The following WLS variants were observed in gnomAD, a reference collection of about 807,000 sequenced individuals.
The protein encoded by WLS is protein wntless homolog.
Under a neutral mutation model 62.8 loss-of-function variants are expected in WLS, and 23 were observed. That is an observed-to-expected ratio of 0.37 (90% CI 0.26 to 0.52). WLS has a LOEUF of 0.52. Ranked by LOEUF, WLS falls within the 20% of genes least tolerant of loss-of-function variation. The pLI is 0.92. For missense variants in WLS, 615 were observed against 697.3 expected (o/e 0.88, Z 1.33); for synonymous variants, 246 against 244.1 (o/e 1.01, Z -0.07).
intron 2 of WLS, among the ~76,000 whole-genome samples, chr1:68,190,588 G>A (rs893551281): frequency 2.0e-5 from 3 of 152,218 alleles, no homozygotes; most frequent in African/African-American, 7.2e-5. Context: ...TGGGAGGGAT[G>A]GAAGCCTGCC....
chr1:68,128,938 T>C (rs1305117799), intron 11 of WLS, among the ~76,000 whole-genome samples: 1 of 150,438 alleles, frequency 6.6e-6, no homozygotes, highest in Non-Finnish European at 1.5e-5. Context: ...AACTTTTGGG[T>C]TCTGCTGCCT....
chr1:68,137,694 A>T (rs187681044), intron 11 of WLS, 86 bp downstream of exon 11: 53 of 1,444,308 alleles, frequency 3.7e-5, no homozygotes, highest in Admixed American at 1.7e-4. Context: ...TTCACTGGGC[A>T]TCTCAGAGCT....
intron 1 of WLS, among the ~76,000 whole-genome samples, chr1:68,229,125 C>T (rs547247492): frequency 6.6e-6 from 1 of 152,232 alleles, no homozygotes; most frequent in South Asian, 2.1e-4. Flanking sequence ...ACTCCTTCCT[C>T]TACCAATGAG....
Position 68,125,939 on chromosome 1 carries a change from C to G in WLS, c.*287G>C. On this transcript the variant is annotated 3_prime_UTR_variant, in exon 12 of 12. Coordinates refer to ENST00000262348, the MANE Select transcript of WLS (RefSeq NM_024911.7). ...CCCACCCCCACATGAGGTTTACTAACCAGCTGCTACAGATGTTACTATGTC... is the reference window on the plus strand; with the variant it reads ...CCCACCCCCACATGAGGTTTACTAAGCAGCTGCTACAGATGTTACTATGTC... 9.1e-7 allele frequency: 1 copy of G among 1,101,748 alleles called. No homozygotes were observed. The highest frequency in any genetic ancestry group is 5.9e-5 in the East Asian group (1 of 16,952). The allele number at this position is 1,101,748 out of a possible 1,614,324, so 68.2% of individuals were successfully genotyped here.
intron 7 of WLS, 151 bp downstream of exon 7, chr1:68,148,412 C>T (rs962474278): frequency 2.2e-6 from 2 of 913,342 alleles, no homozygotes; most frequent in East Asian, 5.3e-5. Flanking sequence ...TGATTTGATC[C>T]CAGACCTTGT....
chr1:68,203,333 G>A (rs1213000472), intron 1 of WLS, among the ~76,000 whole-genome samples: 1 of 152,138 alleles, frequency 6.6e-6, no homozygotes, highest in East Asian at 1.9e-4. Flanking sequence ...ATTTATTAAC[G>A]GTTACTATTT....
intron 1 of WLS, among the ~76,000 whole-genome samples, chr1:68,221,701 G>T (rs1195808929): frequency 6.6e-6 from 1 of 152,188 alleles, no homozygotes; most frequent in Non-Finnish European, 1.5e-5. Context: ...GTGATCACCT[G>T]AAGGCAAGCT....
At chr1:68,127,277 G>A (rs192286077) in intron 11 of WLS, 26 of 184,918 alleles carry the variant, frequency 1.4e-4, no homozygotes, top group Non-Finnish European at 2.8e-4. Context: ...ATAGATTGGG[G>A]AAGGAGCCAT....
At chr1:68,153,861 C>CT (rs1222765613) in intron 4 of WLS, among the ~76,000 whole-genome samples, 1 of 152,160 alleles carries the variant, frequency 6.6e-6, no homozygotes, top group Admixed American at 6.5e-5. Flanking sequence ...GAGCCCTGTG[C>CT]TATGGACCTG....
At chr1:68,191,772 T>C (rs960124972) in intron 2 of WLS, among the ~76,000 whole-genome samples, 10 of 152,168 alleles carry the variant, frequency 6.6e-5, no homozygotes, top group African/African-American at 2.4e-4. Flanking sequence ...TTGTGCAAAT[T>C]TGGACCTTCA....
rs1170284392 is a variant in WLS, at chr1:68,148,151, A to G, written c.1119T>C (p.Ile373=). The stretch of plus-strand genomic sequence containing the variant: ...GGAAGGATACGGCCAGCTCTGTTCC[A>G]ATGTCTGTAGTCCAGATACTGTAGA... ...NPFYSIWTTD[I]GTELAMAFII... Residue 373 remains isoleucine (I), a synonymous_variant, in exon 8 of 12, where the codon ATT becomes ATC. Transcript: ENST00000262348. The G allele has an allele frequency of 8.1e-6, 13 of 1,614,070 alleles. No homozygotes were observed. Among genetic ancestry groups the G allele is most frequent in the Non-Finnish European group, 1.1e-5 (13 of 1,180,042 alleles).
At chr1:68,101,228 TGAA>T (rs951745034) in intron 11 of WLS, among the ~76,000 whole-genome samples, 6 of 152,206 alleles carry the variant, frequency 3.9e-5, no homozygotes, top group African/African-American at 1.4e-4. Flanking sequence ...TGGGTTGTTG[TGAA>T]GAAGAAATGA....
intron 1 of WLS, among the ~76,000 whole-genome samples, chr1:68,216,342 A>T (rs1345976988): frequency 6.6e-6 from 1 of 152,228 alleles, no homozygotes; most frequent in African/African-American, 2.4e-5. Context: ...GGACTGGCCT[A>T]TCTTAGAGTG....
chr1:68,108,124 C>T (rs1457462343), intron 11 of WLS, among the ~76,000 whole-genome samples: 1 of 152,204 alleles, frequency 6.6e-6, no homozygotes, highest in Non-Finnish European at 1.5e-5. Flanking sequence ...CATCCATTCT[C>T]TCACTGTTCT....
chr1:68,232,529 C>T (rs1302077761), upstream of WLS: 5 of 780,588 alleles, frequency 6.4e-6, no homozygotes. Flanking sequence ...ATTGTGGCCG[C>T]TCCGCCGCCT....
intron 11 of WLS, among the ~76,000 whole-genome samples, chr1:68,136,920 T>G (rs575178328): frequency 4.6e-5 from 7 of 152,326 alleles, no homozygotes; most frequent in Admixed American, 2.0e-4. Flanking sequence ...GAGCACTGAT[T>G]TGAGAAAGGG....
At chr1:68,116,988 C>T (rs2986216) in intron 11 of WLS, among the ~76,000 whole-genome samples, 58,303 of 151,990 alleles carry the variant, frequency 0.38, 11,807 homozygotes, top group East Asian at 0.81. Flanking sequence ...TCCCACTCAC[C>T]TTTGTGCAGG....
chr1:68,191,135 C>T (rs980068638), intron 2 of WLS, among the ~76,000 whole-genome samples: 1 of 151,500 alleles, frequency 6.6e-6, no homozygotes, highest in East Asian at 1.9e-4. Flanking sequence ...ATTATTAATA[C>T]AGTCAGTAGA....
At chr1:68,156,545 G>A (rs759752088) in intron 3 of WLS, among the ~76,000 whole-genome samples, 7 of 152,124 alleles carry the variant, frequency 4.6e-5, no homozygotes, top group Non-Finnish European at 8.8e-5. Context: ...ACACGGCAAG[G>A]TAGAGGTGGG....
Sources: gnomAD v4.1 joint callset for allele counts (sites outside exome capture counted in the v4.1 genomes callset) on GRCh38, gnomAD v4.1.1 for gene constraint, MANE v1.5 for transcripts, NCBI Gene and HGNC (gene_info 2026-07-23, HGNC 2026-07-21) for gene names.